The following ATXN7L1 variants were observed in gnomAD, a reference collection of about 807,000 sequenced individuals.
The protein encoded by ATXN7L1 is ataxin-7-like protein 1.
Under a neutral mutation model 70.8 loss-of-function variants are expected in ATXN7L1, and 15 were observed. The observed-to-expected ratio is 0.21, with a 90% CI of 0.14 to 0.33. ATXN7L1 has a LOEUF of 0.33. Among genes scored for constraint, ATXN7L1 ranks in the 10% least tolerant of loss-of-function variants. The probability of loss-of-function intolerance (pLI) is 1.00; values close to 1 mark genes in which losing one functional copy is unlikely to be tolerated. For synonymous variants in ATXN7L1, 440 were observed against 445.1 expected, an observed-to-expected ratio of 0.99 and a Z score of 0.14; for missense variants, 975 against 1,097.1, an observed-to-expected ratio of 0.89 and a Z score of 1.57.
intron 9 of ATXN7L1, among the ~76,000 whole-genome samples, chr7:105,619,140 G>GTCTTTTTTTT (rs1794377647): frequency 1.0e-4 from 5 of 49,846 alleles, no homozygotes; most frequent in Admixed American, 4.0e-4. Flanking sequence ...GAAATCTTTA[G>GTCTTTTTTTT]TTTTTTTTTT....
In ATXN7L1 at chr7:105,876,292, TCACA is replaced by T. The variant is rs1050877592; in HGVS notation, c.181+82_181+85del. 5 of 1,420,540 alleles carry T rather than the reference TCACA, an allele frequency of 3.5e-6. No homozygotes were observed. In the African/African-American group the frequency reaches 5.8e-5, roughly 16 times the overall value. 88.0% of individuals were successfully genotyped at this position (1,420,540 alleles called of 1,614,324 possible). On this transcript the variant is annotated intron_variant, in intron 1 of 11. Transcript: ENST00000419735. ...AGGACACCGGGGGCCACTCTCTCTC[TCACA>T]CACACACTTTTTCCCAGTGGCTCTA...
chr7:105,656,576 C>CTTTTTTTT (rs10690416), intron 4 of ATXN7L1, among the ~76,000 whole-genome samples: 5 of 139,922 alleles, frequency 3.6e-5, no homozygotes, highest in Admixed American at 7.1e-5. Flanking sequence ...CTTCTTCTTC[C>CTTTTTTTT]TTTTTTTTTT....
At chr7:105,794,494 C>T (rs1265710706) in intron 2 of ATXN7L1, among the ~76,000 whole-genome samples, 2 of 152,240 alleles carry the variant, frequency 1.3e-5, no homozygotes, top group African/African-American at 4.8e-5. Flanking sequence ...AAAACATTTA[C>T]ACCAGCACTT....
chr7:105,605,875 A>G lies in ATXN7L1; in HGVS notation c.*1977T>C, dbSNP rs1357277820. 6.6e-6 allele frequency: 1 copy of G among 152,222 alleles called. No homozygotes were observed. The highest frequency in any genetic ancestry group is 2.4e-5 in the African/African-American group (1 of 41,462). 9.4% of individuals were successfully genotyped at this position (152,222 alleles called of 1,614,324 possible). ...CATTGCTTAAACTTTCCTAAGTTTC[A>G]TATTGTTTCTGAAACTATTCTGGTC... On this transcript the variant is annotated 3_prime_UTR_variant, in exon 12 of 12. Transcript: ENST00000419735.
chr7:105,812,032 C>G (rs1001972765), intron 2 of ATXN7L1, among the ~76,000 whole-genome samples: 20 of 152,174 alleles, frequency 1.3e-4, no homozygotes, highest in African/African-American at 4.8e-4. Flanking sequence ...AGCCTAAGAG[C>G]TCCCCTGCCT....
intron 3 of ATXN7L1, among the ~76,000 whole-genome samples, chr7:105,765,315 G>GA (rs756390237): frequency 0.34 from 46,649 of 138,878 alleles, 8,018 homozygotes; most frequent in African/African-American, 0.47. Context: ...GCCTGGGTCA[G>GA]AAAAAAAAAA....
intron 2 of ATXN7L1, among the ~76,000 whole-genome samples, chr7:105,848,774 G>T (rs987284975): frequency 6.6e-6 from 1 of 152,162 alleles, no homozygotes; most frequent in African/African-American, 2.4e-5. Flanking sequence ...TGGAGGTCCA[G>T]GCCCTCCATG....
At chr7:105,797,993 A>T (rs566576318) in intron 2 of ATXN7L1, among the ~76,000 whole-genome samples, 1 of 152,344 alleles carries the variant, frequency 6.6e-6, no homozygotes, top group South Asian at 2.1e-4. Flanking sequence ...TATTTTCCAT[A>T]CTCATTCATT....
intron 4 of ATXN7L1, among the ~76,000 whole-genome samples, chr7:105,653,725 C>A (rs1216575394): frequency 6.6e-6 from 1 of 152,116 alleles, no homozygotes; most frequent in East Asian, 1.9e-4. Context: ...CAAGTGTAAC[C>A]TTCACAGCCT....
chr7:105,851,445 A>AGTCT (rs16453), intron 2 of ATXN7L1, among the ~76,000 whole-genome samples: 145,766 of 152,160 alleles, frequency 0.96, 69,917 homozygotes, highest in African/African-American at 0.99. Flanking sequence ...TATCTCTGTC[A>AGTCT]GTCTATCTCC....
At position 105,639,579 on chromosome 7, in the gene ATXN7L1, GAAAC is replaced by G; in HGVS notation, c.863-14_863-11del. ...GGGTCAAATTCTCTCTCTGGTTTAAGAAACAAACAAAAAATATAAGAAAAAAGGA... is the reference window on the plus strand; with the variant it reads ...GGGTCAAATTCTCTCTCTGGTTTAAGAAACAAAAAATATAAGAAAAAAGGA... On this transcript the variant is annotated splice_polypyrimidine_tract_variant and intron_variant, in intron 5 of 11. Transcript: ENST00000419735. The G allele has an allele frequency of 1.3e-6, 2 of 1,534,834 alleles. No homozygotes were observed. Among genetic ancestry groups the G allele is most frequent in the Non-Finnish European group, 1.8e-6 (2 of 1,134,246 alleles).
intron 3 of ATXN7L1, among the ~76,000 whole-genome samples, chr7:105,731,766 A>AAG (rs1554443719): frequency 6.8e-6 from 1 of 147,694 alleles, no homozygotes; most frequent in African/African-American, 2.5e-5. Flanking sequence ...AAGAAAAGAA[A>AAG]AGAAAAGAAA....
At chr7:105,651,669 T>G (rs888508758) in intron 4 of ATXN7L1, among the ~76,000 whole-genome samples, 2 of 152,190 alleles carry the variant, frequency 1.3e-5, no homozygotes, top group Non-Finnish European at 1.5e-5. Context: ...TCAGCCCTAC[T>G]TCACAAGCCC....
chr7:105,798,827 C>G (rs1806374429), intron 2 of ATXN7L1, among the ~76,000 whole-genome samples: 1 of 152,132 alleles, frequency 6.6e-6, no homozygotes, highest in Admixed American at 6.5e-5. Context: ...GGCTTTTCTT[C>G]TATTTGGATG....
At position 105,607,541 on chromosome 7, in the gene ATXN7L1, G is replaced by T. The variant is rs1792810250; in HGVS notation, c.*311C>A. Reference sequence around the variant, plus strand: ...CTCTCATGGCTGGAGCAAAAGGATGGTACAGTAGCAGCATCAGGAGCTAGG... The same window carrying T: ...CTCTCATGGCTGGAGCAAAAGGATGTTACAGTAGCAGCATCAGGAGCTAGG... On this transcript the variant is annotated 3_prime_UTR_variant, in exon 12 of 12. Coordinates refer to ENST00000419735, the MANE Select transcript of ATXN7L1 (RefSeq NM_020725.2). The T allele has an allele frequency of 4.7e-6, 2 of 423,658 alleles. No homozygotes were observed. Among genetic ancestry groups the T allele is most frequent in the East Asian group, 8.5e-5 (2 of 23,446 alleles). The allele number at this position is 423,658 out of a possible 1,614,324, so 26.2% of individuals were successfully genotyped here.
At chr7:105,684,142 C>A (rs933807459) in intron 3 of ATXN7L1, among the ~76,000 whole-genome samples, 4 of 152,150 alleles carry the variant, frequency 2.6e-5, no homozygotes, top group Admixed American at 6.5e-5. Flanking sequence ...CGAGTTCAGT[C>A]CCGACTGTTG....
chr7:105,608,527 T>C (rs1417569450), intron 11 of ATXN7L1, among the ~76,000 whole-genome samples: 1 of 152,122 alleles, frequency 6.6e-6, no homozygotes, highest in Non-Finnish European at 1.5e-5. Context: ...CCAGCAGGTG[T>C]ACCCGGAGCT....
chr7:105,692,370 T>TTTCTTTCCTTCC (rs1791007683), intron 3 of ATXN7L1, among the ~76,000 whole-genome samples: 2 of 94,606 alleles, frequency 2.1e-5, no homozygotes, highest in African/African-American at 4.3e-5. Flanking sequence ...AATTTCTTTC[T>TTTCTTTCCTTCC]TTCCTTCCTT....
chr7:105,650,997 C>T (rs562221), intron 4 of ATXN7L1, among the ~76,000 whole-genome samples: 56,925 of 152,042 alleles, frequency 0.37, 12,368 homozygotes, highest in East Asian at 0.62. Context: ...TCAGACCAAC[C>T]TAGACTCAAA....
Sources: gnomAD v4.1 joint callset for allele counts (sites outside exome capture counted in the v4.1 genomes callset) on GRCh38, gnomAD v4.1.1 for gene constraint, MANE v1.5 for transcripts, NCBI Gene and HGNC (gene_info 2026-07-23, HGNC 2026-07-21) for gene names.